Variants in SPATS2 observed in about 807,000 individuals in gnomAD.
SPATS2 encodes spermatogenesis associated serine rich 2.
Under a neutral mutation model 63.7 loss-of-function variants are expected in SPATS2, and 38 were observed. The ratio of observed to expected loss-of-function variants is 0.60; its 90% confidence interval spans 0.46 to 0.78. The LOEUF is 0.78. Among genes scored for constraint, SPATS2 ranks in the 30% least tolerant of loss-of-function variants. The pLI, the probability that SPATS2 is intolerant of heterozygous loss-of-function variation, is 0.00. For missense variants in SPATS2, 588 were observed against 666.2 expected (o/e 0.88, Z 1.29); for synonymous variants, 207 against 232.9 (o/e 0.89, Z 1.01).
At chr12:49,433,698 C>G (rs1046712148) in intron 2 of SPATS2, among the ~76,000 whole-genome samples, 3 of 152,076 alleles carry the variant, frequency 2.0e-5, no homozygotes, top group Non-Finnish European at 4.4e-5. Flanking sequence ...GATATTAACC[C>G]TTTATAATAG....
chr12:49,473,308 C>T lies in SPATS2; in HGVS notation c.26-11282C>T, dbSNP rs373256852. Reference sequence around the variant, plus strand: ...ACATATGCCTGTAATCCCAGCTACTCGGGAGGCTGAGACAGTAGAATCACT... The same window carrying T: ...ACATATGCCTGTAATCCCAGCTACTTGGGAGGCTGAGACAGTAGAATCACT... On this transcript the variant is annotated intron_variant, in intron 3 of 13. Coordinates refer to ENST00000552918, the MANE Select transcript of SPATS2 (RefSeq NM_023071.4). 5.5e-4 allele frequency among the ~76,000 whole-genome samples: 83 copies of T among 152,038 alleles called. No individual in the cohort carries two copies. The South Asian group carries it at 0.012, about 22-fold the overall frequency.
chr12:49,460,079 G>T (rs900173380), intron 2 of SPATS2, among the ~76,000 whole-genome samples: 3 of 150,918 alleles, frequency 2.0e-5, no homozygotes, highest in African/African-American at 7.3e-5. Context: ...TTGCACTTCA[G>T]CCTGGGCAAC....
intron 2 of SPATS2, among the ~76,000 whole-genome samples, chr12:49,435,130 A>G (rs955030229): frequency 6.2e-5 from 9 of 144,634 alleles, no homozygotes; most frequent in African/African-American, 2.3e-4. Context: ...TCCCGGGTTC[A>G]CGCCATTCTC....
intron 3 of SPATS2, among the ~76,000 whole-genome samples, chr12:49,479,507 G>A (rs1946171658): frequency 1.3e-5 from 2 of 152,334 alleles, no homozygotes; most frequent in Middle Eastern, 3.4e-3. Context: ...GTGCAGCTAT[G>A]GTTTGGACAG....
At chr12:49,489,826 T>G (rs1946354583) in intron 5 of SPATS2, among the ~76,000 whole-genome samples, 1 of 152,220 alleles carries the variant, frequency 6.6e-6, no homozygotes, top group South Asian at 2.1e-4. Flanking sequence ...GAGGAAATCA[T>G]GTGGCCAGTG....
intron 2 of SPATS2, among the ~76,000 whole-genome samples, chr12:49,387,925 C>T (rs1944348935): frequency 6.6e-6 from 1 of 152,060 alleles, no homozygotes; most frequent in Non-Finnish European, 1.5e-5. Flanking sequence ...TTTATGATCA[C>T]ATATTAATGC....
chr12:49,372,940 TTGTGTGTGTGTGTGTGTGTG>T (rs56940721), intron 2 of SPATS2, among the ~76,000 whole-genome samples: 10 of 130,138 alleles, frequency 7.7e-5, no homozygotes, highest in East Asian at 2.3e-4. Flanking sequence ...ATTTTCTGTT[TTGTGTGTGTGTGTGTGTGTG>T]TGTGTGTGTG....
chr12:49,419,123 C>T (rs1944937902), intron 2 of SPATS2, among the ~76,000 whole-genome samples: 1 of 152,154 alleles, frequency 6.6e-6, no homozygotes, highest in Admixed American at 6.5e-5. Context: ...AAAGAGTTAA[C>T]TTTTTATGCT....
intron 9 of SPATS2, among the ~76,000 whole-genome samples, chr12:49,509,549 C>T (rs897626471): frequency 2.0e-5 from 3 of 151,966 alleles, no homozygotes; most frequent in Admixed American, 2.0e-4. Context: ...TGATTATAGG[C>T]GTGAGCCACT....
At chr12:49,462,252 C>T (rs1294243795) in intron 3 of SPATS2, 1 of 701,878 alleles carries the variant, frequency 1.4e-6, no homozygotes, top group Non-Finnish European at 2.6e-6. Context: ...TTTACTCAGC[C>T]TGCCTCTCTC....
chr12:49,499,778 A>T (rs1339161744), intron 8 of SPATS2, among the ~76,000 whole-genome samples: 1 of 152,122 alleles, frequency 6.6e-6, no homozygotes, highest in Non-Finnish European at 1.5e-5. Context: ...TCTCGGGAAA[A>T]GTACTACCTG....
chr12:49,436,959 C>T (rs1945316352), intron 2 of SPATS2, among the ~76,000 whole-genome samples: 1 of 140,782 alleles, frequency 7.1e-6, no homozygotes, highest in African/African-American at 2.7e-5. Context: ...GGGCAGGGGG[C>T]TAACCCCCCC....
rs201125442 is a variant in SPATS2, at chr12:49,522,887, G to A, written c.1111+34G>A. The stretch of plus-strand genomic sequence containing the variant: ...GTGAGAGGGTCTGGGCACTACAGGT[G>A]GTGATTATTAATTAGAGACTGACGT... On this transcript the variant is annotated intron_variant, in intron 12 of 13. Transcript: ENST00000552918. The A allele has an allele frequency of 1.0e-3, 1,629 of 1,567,668 alleles. 2 individuals are homozygous for A. Among genetic ancestry groups the A allele is most frequent in the Non-Finnish European group, 1.3e-3 (1,496 of 1,142,642 alleles).
intron 3 of SPATS2, among the ~76,000 whole-genome samples, chr12:49,480,219 A>C (rs1463147874): frequency 1.3e-5 from 2 of 152,216 alleles, no homozygotes; most frequent in Non-Finnish European, 2.9e-5. Flanking sequence ...TGAGCAGCCT[A>C]GAATTTGGGC....
Position 49,526,947 on chromosome 12 carries a change from G to A in SPATS2, c.*692G>A, listed in dbSNP as rs1282620658. The A allele has an allele frequency of 6.6e-6, 1 of 151,656 alleles. No individual in the cohort carries two copies. The highest frequency in any genetic ancestry group is 1.5e-5 in the Non-Finnish European group (1 of 67,944). The allele number at this position is 151,656 out of a possible 1,614,324, so 9.4% of individuals were successfully genotyped here. ...TTTAATTAAAGTTTAAAAAAAAAAA[G>A]GTTGGGCGTTGTGGCTCATGCCTGT... On this transcript the variant is annotated 3_prime_UTR_variant, in exon 14 of 14. Coordinates refer to ENST00000552918, the MANE Select transcript of SPATS2 (RefSeq NM_023071.4).
chr12:49,488,794 T>C (rs2137867561), intron 4 of SPATS2, among the ~76,000 whole-genome samples: 2 of 152,272 alleles, frequency 1.3e-5, no homozygotes, highest in Middle Eastern at 3.4e-3. Flanking sequence ...ATAGTGTATA[T>C]TACCTATGGA....
At chr12:49,436,964 C>T (rs1210828620) in intron 2 of SPATS2, among the ~76,000 whole-genome samples, 2 of 151,320 alleles carry the variant, frequency 1.3e-5, no homozygotes, top group Non-Finnish European at 3.0e-5. Flanking sequence ...GGGGGCTAAC[C>T]CCCCCACCTC....
At chr12:49,525,823 G>C in intron 13 of SPATS2, 121 bp from the exon 14 acceptor site, 1 of 1,079,844 alleles carries the variant, frequency 9.3e-7, no homozygotes, top group Non-Finnish European at 1.3e-6. Context: ...TGAGTCTTGA[G>C]AGATAACTGA....
chr12:49,508,674 A>G (rs1412534806), intron 9 of SPATS2, among the ~76,000 whole-genome samples: 2 of 151,596 alleles, frequency 1.3e-5, no homozygotes, highest in Non-Finnish European at 2.9e-5. Flanking sequence ...GGCTCAAGTG[A>G]TCCTCCTGCC....
Sources: gnomAD v4.1 joint callset for allele counts (sites outside exome capture counted in the v4.1 genomes callset) on GRCh38, gnomAD v4.1.1 for gene constraint, MANE v1.5 for transcripts, NCBI Gene and HGNC (gene_info 2026-07-23, HGNC 2026-07-21) for gene names.